SDK1: variants seen among roughly 807,000 people sequenced by gnomAD.
SDK1 encodes the protein sidekick cell adhesion molecule 1.
A neutral mutation model predicts 245.5 loss-of-function variants in SDK1; 157 were observed. The observed-to-expected ratio is 0.64, with a 90% confidence interval of 0.56 to 0.73. SDK1 has a LOEUF of 0.73. Among genes scored for constraint, SDK1 ranks in the 30% least tolerant of loss-of-function variants. The pLI, the probability that SDK1 is intolerant of heterozygous loss-of-function variation, is 0.00. For synonymous variants in SDK1, 1,647 were observed against 1,278.5 expected, an observed-to-expected ratio of 1.29 and a Z score of -6.15; for missense variants, 3,583 against 3,002.3, an observed-to-expected ratio of 1.19 and a Z score of -4.52.
intron 4 of SDK1, among the ~76,000 whole-genome samples, chr7:3,728,611 T>C (rs1779082262): frequency 6.6e-6 from 1 of 152,208 alleles, no homozygotes; most frequent in Non-Finnish European, 1.5e-5. Flanking sequence ...TTCCAGTGGC[T>C]GTTTCTTTTT....
At chr7:3,698,201 G>A (rs1203832947) in intron 4 of SDK1, among the ~76,000 whole-genome samples, 3 of 152,060 alleles carry the variant, frequency 2.0e-5, no homozygotes, top group East Asian at 3.9e-4. Flanking sequence ...AAATACTACC[G>A]AAGAAAACTG....
chr7:3,654,641 A>G (rs1357921770), intron 4 of SDK1, among the ~76,000 whole-genome samples: 1 of 152,166 alleles, frequency 6.6e-6, no homozygotes, highest in Non-Finnish European at 1.5e-5. Context: ...CTGCAGGTAG[A>G]TGACACTGTC....
intron 1 of SDK1, among the ~76,000 whole-genome samples, chr7:3,501,627 CCATTT>C (rs1782217435): frequency 6.6e-6 from 1 of 152,078 alleles, no homozygotes. Flanking sequence ...TTTTCTTAAT[CCATTT>C]CATTTGATCC....
chr7:4,161,109 T>A (rs1214347977), intron 31 of SDK1, among the ~76,000 whole-genome samples: 1 of 151,990 alleles, frequency 6.6e-6, no homozygotes, highest in Non-Finnish European at 1.5e-5. Flanking sequence ...CCACACAGAT[T>A]TGGAGGGAGC....
At chr7:3,864,563 A>C (rs977077954) in intron 5 of SDK1, among the ~76,000 whole-genome samples, 1 of 152,210 alleles carries the variant, frequency 6.6e-6, no homozygotes, top group African/African-American at 2.4e-5. Context: ...AGGTTTCCAG[A>C]CAACAAAACC....
intron 35 of SDK1, among the ~76,000 whole-genome samples, chr7:4,185,228 A>C (rs73674222): frequency 0.14 from 20,977 of 152,112 alleles, 1,930 homozygotes; most frequent in African/African-American, 0.26. Flanking sequence ...GTGGCCAGAA[A>C]TTTTTCTGGT....
Position 3,509,928 on chromosome 7 carries a change from C to T in SDK1, c.299-109152C>T, listed in dbSNP as rs777703423. Among the ~76,000 whole-genome samples, 4 of 152,286 alleles carry T rather than the reference C, an allele frequency of 2.6e-5. No homozygotes were observed. In the Middle Eastern group the frequency reaches 0.014, roughly 518 times the overall value. The stretch of plus-strand genomic sequence containing the variant: ...CTTTTAAAATATACAGATGCCAGGG[C>T]TTCACCCCAGACTCATTAAATGAAG... On this transcript the variant is annotated intron_variant, in intron 1 of 44. Coordinates refer to ENST00000404826, the MANE Select transcript of SDK1 (RefSeq NM_152744.4).
chr7:3,312,104 G>T (rs533969491), intron 1 of SDK1, among the ~76,000 whole-genome samples: 1 of 152,202 alleles, frequency 6.6e-6, no homozygotes, highest in African/African-American at 2.4e-5. Context: ...GTGATCATTA[G>T]GAATAAAAAA....
At chr7:3,550,937 T>C (rs1234055124) in intron 1 of SDK1, among the ~76,000 whole-genome samples, 1 of 152,222 alleles carries the variant, frequency 6.6e-6, no homozygotes, top group African/African-American at 2.4e-5. Flanking sequence ...TTTCTTCTTA[T>C]CATTCTTGAT....
At chr7:3,878,243 G>A (rs6970890) in intron 5 of SDK1, among the ~76,000 whole-genome samples, 8,030 of 152,244 alleles carry the variant, frequency 0.053, 538 homozygotes, top group African/African-American at 0.15. Context: ...GCTTTTGGCC[G>A]GGTGCGGTGG....
At chr7:4,036,915 T>A (rs7783519) in intron 17 of SDK1, among the ~76,000 whole-genome samples, 47,698 of 152,082 alleles carry the variant, frequency 0.31, 11,713 homozygotes, top group African/African-American at 0.69. Flanking sequence ...CTGAACTAAG[T>A]TGGTATACTT....
intron 1 of SDK1, among the ~76,000 whole-genome samples, chr7:3,374,652 T>C (rs2128564528): frequency 6.6e-6 from 1 of 152,236 alleles, no homozygotes; most frequent in Admixed American, 6.5e-5. Flanking sequence ...CCTTTACATA[T>C]TCTGTTCCCT....
chr7:3,604,857 C>T (rs1583217712), intron 1 of SDK1, among the ~76,000 whole-genome samples: 1 of 151,956 alleles, frequency 6.6e-6, no homozygotes, highest in Admixed American at 6.5e-5. Flanking sequence ...CCACCTCGGC[C>T]TCCCAAAGTG....
At chr7:3,491,004 T>G (rs1045131547) in intron 1 of SDK1, among the ~76,000 whole-genome samples, 2 of 152,224 alleles carry the variant, frequency 1.3e-5, no homozygotes, top group Non-Finnish European at 2.9e-5. Context: ...ACTGATCACC[T>G]TGCCTGTGCC....
intron 1 of SDK1, among the ~76,000 whole-genome samples, chr7:3,503,173 A>G (rs1011128331): frequency 6.6e-6 from 1 of 152,200 alleles, no homozygotes; most frequent in African/African-American, 2.4e-5. Flanking sequence ...TATTTAAATT[A>G]TACATAAATT....
At chr7:3,674,263 G>T (rs1344540848) in intron 4 of SDK1, among the ~76,000 whole-genome samples, 1 of 152,158 alleles carries the variant, frequency 6.6e-6, no homozygotes, top group African/African-American at 2.4e-5. Context: ...CAGTGTTACA[G>T]ATGGAGGCAA....
At chr7:3,636,992 C>G (rs1782474273) in intron 2 of SDK1, among the ~76,000 whole-genome samples, 2 of 152,022 alleles carry the variant, frequency 1.3e-5, no homozygotes, top group East Asian at 3.9e-4. Context: ...GGAGAAATGT[C>G]TGTCTAGTAT....
intron 42 of SDK1, among the ~76,000 whole-genome samples, 162 bp from the exon 43 acceptor site, chr7:4,241,631 C>A (rs1786524365): frequency 1.3e-5 from 2 of 152,054 alleles, no homozygotes; most frequent in Admixed American, 1.3e-4. Context: ...CCTAGCTCTT[C>A]TCCCCAGCTC....
At chr7:3,573,974 G>T (rs948326890) in intron 1 of SDK1, among the ~76,000 whole-genome samples, 18 of 152,188 alleles carry the variant, frequency 1.2e-4, no homozygotes, top group Non-Finnish European at 2.4e-4. Flanking sequence ...AGGCAGGGCT[G>T]TATTTTACAT....
Sources: gnomAD v4.1 joint callset for allele counts (sites outside exome capture counted in the v4.1 genomes callset) on GRCh38, gnomAD v4.1.1 for gene constraint, MANE v1.5 for transcripts, NCBI Gene and HGNC (gene_info 2026-07-23, HGNC 2026-07-21) for gene names.